BBX: variants seen among roughly 807,000 people sequenced by gnomAD.
The protein encoded by BBX is HMG box transcription factor BBX.
A neutral mutation model predicts 100.2 loss-of-function variants in BBX; 30 were observed. The ratio of observed to expected loss-of-function variants is 0.30; its 90% CI spans 0.22 to 0.41. BBX has a LOEUF of 0.41. Ranked by LOEUF, BBX falls within the 10% of genes least tolerant of loss-of-function variation. BBX has a pLI of 1.00. For synonymous variants in BBX, 376 were observed against 388.1 expected, an observed-to-expected ratio of 0.97 and a Z score of 0.37; for missense variants, 1,023 against 1,129.8, an observed-to-expected ratio of 0.91 and a Z score of 1.35.
At chr3:107,748,169 CAG>C in intron 9 of BBX, 130 bp downstream of exon 9, 1 of 666,826 alleles carries the variant, frequency 1.5e-6, no homozygotes. Context: ...ATACACATAA[CAG>C]AATATTTATT....
Position 107,735,569 on chromosome 3 carries a change from G to T in BBX, c.669+2546G>T, listed in dbSNP as rs1576562615. On this transcript the variant is annotated intron_variant, in intron 7 of 17. Coordinates refer to ENST00000325805, the MANE Select transcript of BBX (RefSeq NM_001142568.3). ...CTTGAGACCTAACCATATAGAAAAA[G>T]TCCTCAAAAGACTATTTTTTTAAAT... 2.0e-5 allele frequency among the ~76,000 whole-genome samples: 3 copies of T among 152,028 alleles called. 1 individual carries two copies. In the East Asian group the frequency reaches 5.8e-4, roughly 29 times the overall value.
chr3:107,767,626 A>G (rs2066503968), intron 10 of BBX, among the ~76,000 whole-genome samples: 1 of 152,228 alleles, frequency 6.6e-6, no homozygotes. Context: ...CAGACGATTA[A>G]TTCCTAGAAA....
chr3:107,595,184 C>G (rs145677683), intron 2 of BBX, among the ~76,000 whole-genome samples: 160 of 152,250 alleles, frequency 1.1e-3, no homozygotes, highest in African/African-American at 3.2e-3. Context: ...CCTTTGTGAC[C>G]TTGAGCAAGT....
At chr3:107,604,918 GC>G (rs1415854340) in intron 2 of BBX, among the ~76,000 whole-genome samples, 3 of 152,184 alleles carry the variant, frequency 2.0e-5, no homozygotes, top group Non-Finnish European at 1.5e-5. Flanking sequence ...TTCGTTTGGA[GC>G]CACAGTTAAA....
intron 3 of BBX, among the ~76,000 whole-genome samples, chr3:107,671,393 A>C (rs1276750545): frequency 1.3e-5 from 2 of 152,050 alleles, no homozygotes; most frequent in Admixed American, 1.3e-4. Flanking sequence ...GAGACTATTA[A>C]GAGAACTTAA....
chr3:107,547,263 G>A (rs694173), intron 2 of BBX, among the ~76,000 whole-genome samples: 16,322 of 152,136 alleles, frequency 0.11, 986 homozygotes, highest in Non-Finnish European at 0.12. Context: ...TGAAAGAACT[G>A]ATAATGGCTC....
intron 2 of BBX, among the ~76,000 whole-genome samples, chr3:107,546,243 A>G (rs752068416): frequency 8.5e-5 from 13 of 152,150 alleles, no homozygotes; most frequent in Non-Finnish European, 1.9e-4. Flanking sequence ...CTTAACTCCT[A>G]AGACTGTGCC....
intron 3 of BBX, among the ~76,000 whole-genome samples, chr3:107,696,993 C>T (rs1327829942): frequency 1.3e-5 from 2 of 151,896 alleles, no homozygotes; most frequent in African/African-American, 4.9e-5. Flanking sequence ...ATCGCATCAG[C>T]TCCTGAGACT....
chr3:107,752,122 G>A (rs888103092), intron 9 of BBX, among the ~76,000 whole-genome samples: 1 of 152,158 alleles, frequency 6.6e-6, no homozygotes, highest in Non-Finnish European at 1.5e-5. Context: ...TTACCTTGAA[G>A]ACACAGCTAA....
At chr3:107,741,093 A>G (rs1369055918) in intron 7 of BBX, among the ~76,000 whole-genome samples, 7 of 151,768 alleles carry the variant, frequency 4.6e-5, no homozygotes, top group African/African-American at 1.7e-4. Flanking sequence ...TAGCAAGGGT[A>G]GGAACGTATG....
intron 2 of BBX, among the ~76,000 whole-genome samples, chr3:107,623,252 G>T (rs887073247): frequency 2.0e-5 from 3 of 152,164 alleles, no homozygotes; most frequent in South Asian, 4.1e-4. Context: ...AACAACAGGG[G>T]TTAGCCTTAC....
chr3:107,762,925 C>T (rs2066012883), intron 10 of BBX, among the ~76,000 whole-genome samples: 1 of 152,190 alleles, frequency 6.6e-6, no homozygotes, highest in African/African-American at 2.4e-5. Context: ...GAAAATTTCA[C>T]ACCTGACACC....
intron 2 of BBX, among the ~76,000 whole-genome samples, chr3:107,633,127 C>T (rs561752302): frequency 6.6e-6 from 1 of 152,050 alleles, no homozygotes; most frequent in African/African-American, 2.4e-5. Flanking sequence ...CATGGGAAAA[C>T]TTTATTATAT....
intron 2 of BBX, among the ~76,000 whole-genome samples, chr3:107,608,819 A>G (rs1070434): frequency 0.91 from 138,252 of 152,210 alleles, 62,924 homozygotes; most frequent in East Asian, 1. Context: ...AATTTTATTC[A>G]TAGCTATTAT....
chr3:107,566,928 C>G (rs2050961534), intron 2 of BBX, among the ~76,000 whole-genome samples: 1 of 151,936 alleles, frequency 6.6e-6, no homozygotes, highest in South Asian at 2.1e-4. Flanking sequence ...GTACTGTTTC[C>G]TATGAGTACC....
chr3:107,553,155 T>C (rs1413122337), intron 2 of BBX, among the ~76,000 whole-genome samples: 4 of 152,228 alleles, frequency 2.6e-5, no homozygotes, highest in Admixed American at 2.6e-4. Flanking sequence ...GTGTTGAACA[T>C]TCTCATTGCA....
chr3:107,708,667 C>A (rs2061529563), intron 3 of BBX, among the ~76,000 whole-genome samples: 2 of 133,564 alleles, frequency 1.5e-5, no homozygotes, highest in African/African-American at 5.3e-5. Flanking sequence ...TAGCAAGACT[C>A]CGTCTCAAAA....
In BBX at chr3:107,585,914, A is replaced by G. The variant is rs529641169; in HGVS notation, c.-84+59516A>G. Among the ~76,000 whole-genome samples the G allele has an allele frequency of 2.3e-3, 344 of 152,338 alleles. 1 individual carries two copies. Among genetic ancestry groups the G allele is most frequent in the African/African-American group, 8.1e-3 (335 of 41,588 alleles). ...GACCCATTAACTAAGAGGTTTCACA[A>G]ACTTCAGTTTTCACTTGGCTATTAC... On this transcript the variant is annotated intron_variant, in intron 2 of 17. Coordinates refer to ENST00000325805, the MANE Select transcript of BBX (RefSeq NM_001142568.3).
intron 2 of BBX, among the ~76,000 whole-genome samples, chr3:107,592,641 C>T (rs2053412764): frequency 6.6e-6 from 1 of 152,060 alleles, no homozygotes; most frequent in Admixed American, 6.6e-5. Flanking sequence ...TGTATGAGCT[C>T]ATGTTTTATT....
Sources: allele counts gnomAD v4.1 joint callset (sites outside exome capture counted in the v4.1 genomes callset), GRCh38; gene constraint gnomAD v4.1.1; transcripts MANE v1.5; gene names NCBI Gene and HGNC (gene_info 2026-07-23, HGNC 2026-07-21).